Variants in HYCC2 observed in about 807,000 individuals in gnomAD.
The protein encoded by HYCC2 is hyccin 2.
chr2:201,063,083 G>A, the HYCC2 span: 1 of 1,608,938 alleles, frequency 6.2e-7, no homozygotes, highest in Non-Finnish European at 8.5e-7. Flanking sequence ...TCTTCACCCT[G>A]CCGTCATGTC....
At chr2:201,033,159 A>ATGTGTGTGTGTGTG in the HYCC2 span, among the ~76,000 whole-genome samples, 4 of 117,894 alleles carry the variant, frequency 3.4e-5, no homozygotes, top group Non-Finnish European at 6.8e-5. Flanking sequence ...ATGTGTGTGT[A>ATGTGTGTGTGTGTG]TGTGTGTGTG....
chr2:201,034,363 G>A, the HYCC2 span, among the ~76,000 whole-genome samples: 2 of 152,112 alleles, frequency 1.3e-5, no homozygotes, highest in Non-Finnish European at 2.9e-5. Context: ...TTATGTAATG[G>A]CCTTCTTTGT....
chr2:201,002,529 C>CTTT, the HYCC2 span, among the ~76,000 whole-genome samples: 335 of 142,400 alleles, frequency 2.4e-3, 1 homozygote, highest in African/African-American at 7.8e-3. Flanking sequence ...AGCAGAGATT[C>CTTT]TTTTTTTTTT....
chr2:201,038,083 A>T, the HYCC2 span, among the ~76,000 whole-genome samples: 1 of 152,142 alleles, frequency 6.6e-6, no homozygotes. Flanking sequence ...GTGGGCAAAG[A>T]ATATGAACAG....
chr2:200,993,121 T>C, the HYCC2 span: 10 of 667,862 alleles, frequency 1.5e-5, no homozygotes, highest in East Asian at 2.1e-4. Context: ...GAGTGCCTGT[T>C]ATATACCAGT....
At chr2:201,037,715 TCCTTATA>T in the HYCC2 span, among the ~76,000 whole-genome samples, 1 of 152,186 alleles carries the variant, frequency 6.6e-6, no homozygotes, top group Non-Finnish European at 1.5e-5. Flanking sequence ...CTGGATGCCT[TCCTTATA>T]CCTTATACAA....
At chr2:201,039,929 C>T in the HYCC2 span, among the ~76,000 whole-genome samples, 1 of 152,100 alleles carries the variant, frequency 6.6e-6, no homozygotes, top group Non-Finnish European at 1.5e-5. Flanking sequence ...AATCCCAGCA[C>T]TTTGGGAGGC....
At chr2:200,984,987 T>C in the HYCC2 span, among the ~76,000 whole-genome samples, 368 of 152,252 alleles carry the variant, frequency 2.4e-3, 3 homozygotes, top group African/African-American at 8.5e-3. Context: ...GTGACATGCC[T>C]GTTGTCCTAG....
At chr2:201,033,499 GT>G in the HYCC2 span, among the ~76,000 whole-genome samples, 1 of 151,658 alleles carries the variant, frequency 6.6e-6, no homozygotes, top group Admixed American at 6.6e-5. Flanking sequence ...CGCCTCCCGG[GT>G]TCACGCCATT....
At chr2:201,008,198 G>A in the HYCC2 span, among the ~76,000 whole-genome samples, 1 of 152,106 alleles carries the variant, frequency 6.6e-6, no homozygotes, top group Non-Finnish European at 1.5e-5. Context: ...AAAATTTCAG[G>A]TACGAATCCC....
the HYCC2 span, among the ~76,000 whole-genome samples, chr2:201,052,599 C>CT: frequency 2.4e-4 from 37 of 152,100 alleles, no homozygotes; most frequent in African/African-American, 8.9e-4. Flanking sequence ...GAGTGAGACT[C>CT]TGTCTCAAAA....
chr2:201,002,359 C>A, the HYCC2 span, among the ~76,000 whole-genome samples: 1 of 150,750 alleles, frequency 6.6e-6, no homozygotes, highest in Non-Finnish European at 1.5e-5. Flanking sequence ...AACAATGTGA[C>A]ACCAGTTTTT....
At chr2:201,033,002 T>G in the HYCC2 span, among the ~76,000 whole-genome samples, 3 of 152,132 alleles carry the variant, frequency 2.0e-5, no homozygotes, top group Admixed American at 6.6e-5. Context: ...AAGTCATCTT[T>G]TAGCTAACTA....
chr2:200,992,836 G>C, the HYCC2 span: 1 of 1,122,072 alleles, frequency 8.9e-7, no homozygotes, highest in African/African-American at 1.5e-5. Flanking sequence ...AATATTCAAA[G>C]TTTCTAAACA....
At chr2:201,002,789 C>T in the HYCC2 span, among the ~76,000 whole-genome samples, 4 of 152,176 alleles carry the variant, frequency 2.6e-5, no homozygotes, top group Non-Finnish European at 5.9e-5. Context: ...TCCCAAAGTG[C>T]TGGGATTACA....
At chr2:201,069,782 A>C in the HYCC2 span, among the ~76,000 whole-genome samples, 2 of 152,202 alleles carry the variant, frequency 1.3e-5, no homozygotes, top group Non-Finnish European at 2.9e-5. Context: ...AAGCACTGAC[A>C]AATGTCTCAG....
chr2:201,046,425 G>C, the HYCC2 span, among the ~76,000 whole-genome samples: 4 of 152,090 alleles, frequency 2.6e-5, no homozygotes, highest in African/African-American at 7.2e-5. Flanking sequence ...TTCTGCAGTG[G>C]GGGGGAAGAA....
At chr2:201,048,969 C>A in the HYCC2 span, among the ~76,000 whole-genome samples, 5 of 151,130 alleles carry the variant, frequency 3.3e-5, no homozygotes, top group Admixed American at 1.3e-4. Flanking sequence ...AACAAACAAA[C>A]AAAAAAACAA....
the HYCC2 span, chr2:201,063,226 G>A: frequency 6.2e-7 from 1 of 1,602,526 alleles, no homozygotes; most frequent in Non-Finnish European, 8.5e-7. Flanking sequence ...GTGTGGTAAT[G>A]AGAGATCCAA....
Sources: gnomAD v4.1 joint callset for allele counts (sites outside exome capture counted in the v4.1 genomes callset) on GRCh38, gnomAD v4.1.1 for gene constraint, MANE v1.5 for transcripts, NCBI Gene and HGNC (gene_info 2026-07-23, HGNC 2026-07-21) for gene names.